The following LPP variants were observed in gnomAD, a reference collection of about 807,000 sequenced individuals.
LPP encodes LIM domain containing preferred translocation partner in lipoma, also known as lipoma-preferred partner.
LPP carries 38 observed loss-of-function variants against 60.4 expected under a neutral mutation model. The ratio of observed to expected loss-of-function variants is 0.63; its 90% CI spans 0.49 to 0.83. The LOEUF (loss-of-function observed/expected upper bound fraction) is 0.83, where lower values mean the gene tolerates loss of function less well. Ranked by LOEUF, LPP falls within the 40% of genes least tolerant of loss-of-function variation. LPP has a pLI of 0.00. For synonymous variants in LPP, 328 were observed against 290.8 expected, an observed-to-expected ratio of 1.13 and a Z score of -1.30; for missense variants, 902 against 783.6, an observed-to-expected ratio of 1.15 and a Z score of -1.80.
chr3:188,484,493 C>G (rs1447115426), intron 4 of LPP, 99 bp from the exon 5 acceptor site: 7 of 821,140 alleles, frequency 8.5e-6, no homozygotes, highest in South Asian at 8.2e-5. Context: ...AATTATGTGT[C>G]AAAGCCAATT....
chr3:188,692,791 A>T (rs771250212), intron 7 of LPP, among the ~76,000 whole-genome samples: 11 of 152,214 alleles, frequency 7.2e-5, no homozygotes, highest in Non-Finnish European at 1.3e-4. Flanking sequence ...GAAGCTTGCT[A>T]GGTTGCATCT....
At chr3:188,218,387 G>A (rs1560120597) in intron 1 of LPP, among the ~76,000 whole-genome samples, 1 of 152,140 alleles carries the variant, frequency 6.6e-6, no homozygotes, top group African/African-American at 2.4e-5. Context: ...TAGCCACCAG[G>A]CCAAAGCAAC....
intron 8 of LPP, among the ~76,000 whole-genome samples, chr3:188,713,829 A>C (rs1235620026): frequency 6.6e-6 from 1 of 152,204 alleles, no homozygotes; most frequent in Non-Finnish European, 1.5e-5. Context: ...AGAGAGATTG[A>C]CATTTCTGCA....
intron 6 of LPP, chr3:188,584,541 TTA>T (rs1836971898): frequency 9.3e-6 from 1 of 107,514 alleles, no homozygotes; most frequent in Non-Finnish European, 1.8e-5. Flanking sequence ...TCTTTTAATT[TTA>T]GTCGTGTGTG....
intron 6 of LPP, among the ~76,000 whole-genome samples, chr3:188,578,872 C>G (rs575674059): frequency 6.6e-6 from 1 of 152,264 alleles, no homozygotes; most frequent in Non-Finnish European, 1.5e-5. Context: ...GACCCTTTCC[C>G]CACTCTAAGC....
intron 6 of LPP, among the ~76,000 whole-genome samples, chr3:188,558,641 A>C (rs1005742197): frequency 6.6e-6 from 1 of 152,118 alleles, no homozygotes; most frequent in African/African-American, 2.4e-5. Flanking sequence ...AATGAAAACA[A>C]ATGGGTAAAA....
At chr3:188,417,761 T>G (rs1389416402) in intron 4 of LPP, among the ~76,000 whole-genome samples, 1 of 152,186 alleles carries the variant, frequency 6.6e-6, no homozygotes, top group Non-Finnish European at 1.5e-5. Context: ...TATTTTAGAA[T>G]GAAATGTGCC....
chr3:188,874,230 A>T lies in LPP; in HGVS notation c.1711-121A>T. The T allele has an allele frequency of 5.2e-6, 4 of 767,100 alleles. No individual in the cohort carries two copies. In the South Asian group the frequency reaches 6.1e-5, roughly 12 times the overall value. The allele number at this position is 767,100 out of a possible 1,614,324, so 47.5% of individuals were successfully genotyped here. A position where few individuals can be genotyped will look rare whatever the true frequency, so the allele number is the denominator to read the frequency against. ...ACAGGGGATTAGCAGAATGTAAAGC[A>T]GGAAGGATAGTAAGTGGCCACATTA... On this transcript the variant is annotated intron_variant, in intron 11 of 11. Transcript: ENST00000617246.
intron 2 of LPP, among the ~76,000 whole-genome samples, chr3:188,287,892 A>C (rs1461141947): frequency 6.6e-6 from 1 of 152,202 alleles, no homozygotes; most frequent in East Asian, 1.9e-4. Flanking sequence ...TCCAATTTTC[A>C]GGTGAGATTA....
At chr3:188,524,616 A>T (rs759264535) in intron 5 of LPP, 49 bp from the exon 6 acceptor site, 1 of 1,559,582 alleles carries the variant, frequency 6.4e-7, no homozygotes, top group Non-Finnish European at 8.7e-7. Flanking sequence ...ACTTATAATG[A>T]TATCAAGGGA....
At position 188,819,849 on chromosome 3, in the gene LPP, G is replaced by A. The variant is rs181895150; in HGVS notation, c.1411-46351G>A. Among the ~76,000 whole-genome samples the A allele has an allele frequency of 6.4e-4, 98 of 152,284 alleles. 1 individual carries two copies. The highest frequency in any genetic ancestry group is 5.0e-3 in the Admixed American group (77 of 15,294). On this transcript the variant is annotated intron_variant, in intron 9 of 11. Coordinates refer to ENST00000617246, the MANE Select transcript of LPP (RefSeq NM_001375462.1). The stretch of plus-strand genomic sequence containing the variant: ...GGCAAACTCACCTTTGGTGGTCCAC[G>A]GGAAGGTTTGTTAGAACTGCAGGAG...
At chr3:188,767,996 A>C (rs1202856059) in intron 9 of LPP, among the ~76,000 whole-genome samples, 3 of 152,190 alleles carry the variant, frequency 2.0e-5, no homozygotes, top group Non-Finnish European at 4.4e-5. Flanking sequence ...ATAACCAAGA[A>C]AGAAACAAAA....
chr3:188,223,140 G>A (rs1716432268), intron 1 of LPP, among the ~76,000 whole-genome samples: 1 of 152,140 alleles, frequency 6.6e-6, no homozygotes, highest in African/African-American at 2.4e-5. Context: ...GCACTACTAG[G>A]TGATTCCTAA....
chr3:188,757,279 G>A (rs929169500), intron 8 of LPP, among the ~76,000 whole-genome samples: 17 of 152,182 alleles, frequency 1.1e-4, no homozygotes, highest in East Asian at 3.8e-4. Context: ...GAACATAGTC[G>A]TGGGCAAGAG....
At chr3:188,668,558 A>G (rs922189363) in intron 7 of LPP, among the ~76,000 whole-genome samples, 9 of 152,192 alleles carry the variant, frequency 5.9e-5, no homozygotes, top group African/African-American at 1.9e-4. Context: ...AACAGCCGAG[A>G]TGTAATCTTC....
At chr3:188,510,300 T>C (rs943233806) in intron 5 of LPP, among the ~76,000 whole-genome samples, 1 of 152,126 alleles carries the variant, frequency 6.6e-6, no homozygotes, top group African/African-American at 2.4e-5. Flanking sequence ...ATTCCCTGGG[T>C]CTAAGGCAGA....
At chr3:188,427,115 G>A (rs770796843) in intron 4 of LPP, among the ~76,000 whole-genome samples, 4 of 152,154 alleles carry the variant, frequency 2.6e-5, no homozygotes, top group Non-Finnish European at 4.4e-5. Flanking sequence ...CATGTTTAGT[G>A]CTTCCTTCAG....
At chr3:188,714,595 T>A (rs1044323326) in intron 8 of LPP, among the ~76,000 whole-genome samples, 1 of 152,156 alleles carries the variant, frequency 6.6e-6, no homozygotes, top group Non-Finnish European at 1.5e-5. Flanking sequence ...GGTTTTTTTT[T>A]AATGATTTCT....
At chr3:188,390,764 A>AATATTTC in intron 3 of LPP, among the ~76,000 whole-genome samples, 1 of 152,152 alleles carries the variant, frequency 6.6e-6, no homozygotes, top group Non-Finnish European at 1.5e-5. Context: ...TACTATACCT[A>AATATTTC]TTGGTCTGAG....
Sources: allele counts gnomAD v4.1 joint callset (sites outside exome capture counted in the v4.1 genomes callset), GRCh38; gene constraint gnomAD v4.1.1; transcripts MANE v1.5; gene names NCBI Gene and HGNC (gene_info 2026-07-23, HGNC 2026-07-21).